The following COX7B2 variants were observed in gnomAD, a reference collection of about 807,000 sequenced individuals.
The protein encoded by COX7B2 is cytochrome c oxidase subunit 7B2.
For missense variants in COX7B2, 109 were observed against 95.9 expected (o/e 1.14, Z -0.57); for synonymous variants, 37 against 32.1 (o/e 1.15, Z -0.51).
chr4:46,805,192 C>A (rs557071693), intron 2 of COX7B2, among the ~76,000 whole-genome samples: 2 of 152,328 alleles, frequency 1.3e-5, no homozygotes, highest in Non-Finnish European at 2.9e-5. Context: ...TCCTCGCAGG[C>A]TGAGGGAGCC....
chr4:46,877,823 G>C (rs948246892), intron 1 of COX7B2, among the ~76,000 whole-genome samples: 1 of 152,046 alleles, frequency 6.6e-6, no homozygotes, highest in East Asian at 1.9e-4. Flanking sequence ...CTGTTTGAAG[G>C]TTCCTAAAAA....
intron 2 of COX7B2, among the ~76,000 whole-genome samples, chr4:46,781,065 C>A (rs1717420649): frequency 6.6e-6 from 1 of 151,708 alleles, no homozygotes; most frequent in Admixed American, 6.6e-5. Flanking sequence ...GAAAAGTAAC[C>A]CTAAAAGCAG....
chr4:46,893,895 G>A (rs1205436446), intron 1 of COX7B2, among the ~76,000 whole-genome samples: 1 of 152,064 alleles, frequency 6.6e-6, no homozygotes, highest in Non-Finnish European at 1.5e-5. Flanking sequence ...GCCAAATCAG[G>A]AAGTCAATCC....
At chr4:46,820,626 G>A (rs1577607606) in intron 2 of COX7B2, among the ~76,000 whole-genome samples, 1 of 151,886 alleles carries the variant, frequency 6.6e-6, no homozygotes, top group Non-Finnish European at 1.5e-5. Context: ...TCAGGAGTTC[G>A]AGACCAGCCT....
intron 2 of COX7B2, among the ~76,000 whole-genome samples, chr4:46,770,920 AT>A (rs1318472950): frequency 1.3e-5 from 2 of 152,124 alleles, no homozygotes; most frequent in Non-Finnish European, 2.9e-5. Context: ...TGAGACAGTA[AT>A]TTTTTTATAT....
At chr4:46,740,769 T>C (rs976082624) in intron 2 of COX7B2, among the ~76,000 whole-genome samples, 7 of 152,036 alleles carry the variant, frequency 4.6e-5, no homozygotes, top group African/African-American at 1.7e-4. Flanking sequence ...GAAATATAAA[T>C]AAAATAAAAA....
intron 2 of COX7B2, among the ~76,000 whole-genome samples, chr4:46,824,538 A>G (rs965276211): frequency 1.3e-5 from 2 of 152,108 alleles, no homozygotes; most frequent in Non-Finnish European, 2.9e-5. Flanking sequence ...AAAACAGACA[A>G]ACAAACAAAC....
intron 2 of COX7B2, among the ~76,000 whole-genome samples, chr4:46,752,868 G>A (rs558900515): frequency 4.6e-5 from 7 of 152,232 alleles, no homozygotes; most frequent in Admixed American, 3.3e-4. Context: ...AGCGATATTG[G>A]TCTAAAATTC....
intron 1 of COX7B2, among the ~76,000 whole-genome samples, chr4:46,894,453 C>T (rs1719629411): frequency 6.6e-6 from 1 of 152,122 alleles, no homozygotes; most frequent in Non-Finnish European, 1.5e-5. Context: ...AAGATTGAAG[C>T]TGGACCCCTT....
chr4:46,787,300 A>G (rs1194491649), intron 2 of COX7B2, among the ~76,000 whole-genome samples: 2 of 152,122 alleles, frequency 1.3e-5, no homozygotes, highest in East Asian at 1.9e-4. Flanking sequence ...ATACAAAGTT[A>G]GCCAGGCGTG....
intron 2 of COX7B2, among the ~76,000 whole-genome samples, chr4:46,820,206 T>C (rs1714171549): frequency 6.6e-6 from 1 of 152,124 alleles, no homozygotes; most frequent in Admixed American, 6.5e-5. Flanking sequence ...AACTAGATGG[T>C]CCCATCTGGG....
At chr4:46,907,603 C>G (rs954654806) in intron 1 of COX7B2, among the ~76,000 whole-genome samples, 1 of 151,812 alleles carries the variant, frequency 6.6e-6, no homozygotes, top group Non-Finnish European at 1.5e-5. Flanking sequence ...TATCCAACTC[C>G]GTAATTTGAT....
At chr4:46,783,251 C>A (rs962707740) in intron 2 of COX7B2, among the ~76,000 whole-genome samples, 1 of 152,180 alleles carries the variant, frequency 6.6e-6, no homozygotes, top group Admixed American at 6.5e-5. Context: ...ACCTTACAGG[C>A]TGGAAAACAC....
intron 1 of COX7B2, among the ~76,000 whole-genome samples, chr4:46,857,473 C>G (rs567757494): frequency 2.0e-5 from 3 of 152,248 alleles, no homozygotes; most frequent in Non-Finnish European, 2.9e-5. Flanking sequence ...TCCAGGTGAA[C>G]CATATGGGCA....
At chr4:46,752,154 C>A (rs1173826230) in intron 2 of COX7B2, among the ~76,000 whole-genome samples, 1 of 152,070 alleles carries the variant, frequency 6.6e-6, no homozygotes, top group East Asian at 1.9e-4. Context: ...AGTTGGATTC[C>A]TAGGTATTTT....
intron 1 of COX7B2, among the ~76,000 whole-genome samples, chr4:46,887,989 T>A (rs1461437016): frequency 6.6e-6 from 1 of 152,134 alleles, no homozygotes; most frequent in Non-Finnish European, 1.5e-5. Flanking sequence ...AAGGTATAGA[T>A]ACCCAAATGA....
At chr4:46,904,866 A>G (rs1720279608) in intron 1 of COX7B2, among the ~76,000 whole-genome samples, 1 of 152,194 alleles carries the variant, frequency 6.6e-6, no homozygotes, top group African/African-American at 2.4e-5. Flanking sequence ...GAAAAGGAAA[A>G]ATTAAGAACA....
At chr4:46,885,666 A>G (rs1468902467) in intron 1 of COX7B2, among the ~76,000 whole-genome samples, 1 of 152,192 alleles carries the variant, frequency 6.6e-6, no homozygotes, top group East Asian at 1.9e-4. Context: ...AATCTAGATT[A>G]AAAGCATCAA....
At chr4:46,849,386 T>C (rs996236220) in intron 1 of COX7B2, among the ~76,000 whole-genome samples, 1 of 152,086 alleles carries the variant, frequency 6.6e-6, no homozygotes, top group African/African-American at 2.4e-5. Flanking sequence ...TTTTAACTTA[T>C]TTTATTACTA....
Sources: allele counts gnomAD v4.1 joint callset (sites outside exome capture counted in the v4.1 genomes callset), GRCh38; gene constraint gnomAD v4.1.1; transcripts MANE v1.5; gene names NCBI Gene and HGNC (gene_info 2026-07-23, HGNC 2026-07-21).